RPS6KA6: variants seen among roughly 807,000 people sequenced by gnomAD.
The protein encoded by RPS6KA6 is ribosomal protein S6 kinase A6.
In RPS6KA6, 27 loss-of-function variants were observed where a neutral mutation model predicts 65.4. That is an observed-to-expected ratio of 0.41 (90% CI 0.30 to 0.57). RPS6KA6 has a LOEUF of 0.57. RPS6KA6 is among the 20% of genes least tolerant of loss of function. The probability of loss-of-function intolerance (pLI) is 0.24; values close to 1 mark genes in which losing one functional copy is unlikely to be tolerated. For missense variants in RPS6KA6, 486 were observed against 555.6 expected, an observed-to-expected ratio of 0.87 and a Z score of 1.26; for synonymous variants, 190 against 184.2, an observed-to-expected ratio of 1.03 and a Z score of -0.26.
At chrX:84,069,015 T>A (rs986811458) in intron 20 of RPS6KA6, among the ~76,000 whole-genome samples, 1 of 111,847 alleles carries the variant, frequency 8.9e-6, no homozygotes, top group Non-Finnish European at 1.9e-5. Flanking sequence ...TTCAATGTTA[T>A]CCCCATCAAG....
intron 20 of RPS6KA6, among the ~76,000 whole-genome samples, chrX:84,084,029 G>C (rs915504066): frequency 8.9e-6 from 1 of 111,769 alleles, no homozygotes; most frequent in East Asian, 2.8e-4. Context: ...CTTTTGAGAA[G>C]TGTCTGTTCT....
Position 84,082,157 on chromosome X carries a change from T to C in RPS6KA6, c.1971+14037A>G, listed in dbSNP as rs750274678. On this transcript the variant is annotated intron_variant, in intron 20 of 21. Coordinates refer to ENST00000262752, the MANE Select transcript of RPS6KA6 (RefSeq NM_014496.5). The stretch of plus-strand genomic sequence containing the variant: ...AATAGGAGGAGAGGAAGTCAAATTG[T>C]TTCTGTTTGCAGATGACATTATTGT... Among the ~76,000 whole-genome samples, 160 of 111,803 alleles carry C rather than the reference T, an allele frequency of 1.4e-3. 1 individual carries two copies. Among genetic ancestry groups the C allele is most frequent in the Non-Finnish European group, 2.7e-3 (146 of 53,161 alleles).
chrX:84,082,774 G>A (rs1276425643), intron 20 of RPS6KA6, among the ~76,000 whole-genome samples: 1 of 110,490 alleles, frequency 9.1e-6, no homozygotes, highest in African/African-American at 3.3e-5. Context: ...ACAGAACAGG[G>A]GCCTCAGACA....
chrX:84,097,976 TGTA>T, intron 18 of RPS6KA6, 128 bp from the exon 19 acceptor site: 1 of 475,791 alleles, frequency 2.1e-6, no homozygotes. Context: ...TTTATGCACT[TGTA>T]GTAAAGACAT....
At chrX:84,077,621 A>G (rs1037132632) in intron 20 of RPS6KA6, among the ~76,000 whole-genome samples, 4 of 112,025 alleles carry the variant, frequency 3.6e-5, no homozygotes, top group African/African-American at 6.5e-5. Context: ...AAGAACATTG[A>G]CCTAAAGATA....
intron 20 of RPS6KA6, among the ~76,000 whole-genome samples, chrX:84,073,754 C>T (rs1422039914): frequency 2.8e-5 from 3 of 108,921 alleles, no homozygotes; most frequent in African/African-American, 1.0e-4. Context: ...AGAATAAATA[C>T]AAATATCCAA....
intron 2 of RPS6KA6, among the ~76,000 whole-genome samples, chrX:84,157,489 T>A (rs1261524549): frequency 2.7e-5 from 3 of 111,354 alleles, no homozygotes; most frequent in Non-Finnish European, 5.7e-5. Context: ...ACAACCTTTT[T>A]TAATGCAAAT....
intron 3 of RPS6KA6, among the ~76,000 whole-genome samples, chrX:84,152,792 T>C (rs1256425369): frequency 1.8e-5 from 2 of 111,460 alleles, no homozygotes; most frequent in African/African-American, 6.5e-5. Flanking sequence ...TCAAAGTTAA[T>C]ATGTTAAAGT....
At chrX:84,154,154 C>T (rs2147577534) in intron 3 of RPS6KA6, among the ~76,000 whole-genome samples, 1 of 111,130 alleles carries the variant, frequency 9.0e-6, no homozygotes, top group African/African-American at 3.3e-5. Flanking sequence ...TTTATAATGG[C>T]TGCTAGAAAA....
Position 84,188,081 on chromosome X carries a change from G to A in RPS6KA6, c.-182C>T, listed in dbSNP as rs1300746634. On this transcript the variant is annotated 5_prime_UTR_variant, in exon 1 of 22. An upstream open reading frame in the 5' UTR gains an earlier in-frame stop. Transcript: ENST00000262752. ...TCTCAGAGGCTGGGAGCTGGGGGTC[G>A]CCGCCGCCGCCGCCCGGTGATTCCC... Among the ~76,000 whole-genome samples, 1 of 106,207 alleles carries A rather than the reference G, an allele frequency of 9.4e-6. No homozygotes were observed. Among genetic ancestry groups the A allele is most frequent in the East Asian group, 3.1e-4 (1 of 3,227 alleles). The allele number at this position is 106,207 out of a possible 115,157, so 92.2% of individuals were successfully genotyped here.
At chrX:84,100,231 G>A (rs1387474325) in intron 18 of RPS6KA6, among the ~76,000 whole-genome samples, 1 of 110,594 alleles carries the variant, frequency 9.0e-6, no homozygotes, top group African/African-American at 3.3e-5. Context: ...GTGGTCTCCA[G>A]ATGCCCACCT....
In RPS6KA6 at chrX:84,105,787, A is replaced by G. The variant is rs377281917; in HGVS notation, c.1455T>C (p.Asp485=). ...GATACCTAGATTTAGAAATACCTAC[A>G]TCCTTCAAAGTAATAATGTTGGGAT... The part of the protein sequence containing the change: ...GQHPNIITLK[D]VFDDGRYVYL... The change falls in exon 16 of 22, where the codon GAT becomes GAC. Residue 485 remains aspartate, a splice_region_variant and synonymous_variant. Transcript: ENST00000262752. 2.9e-5 allele frequency: 32 copies of G among 1,087,292 alleles called. No homozygotes were observed. The African/African-American group carries it at 5.7e-4, about 19-fold the overall frequency. 89.6% of individuals were successfully genotyped at this position (1,087,292 alleles called of 1,213,427 possible).
intron 12 of RPS6KA6, 59 bp from the exon 13 acceptor site, chrX:84,107,784 TG>T: frequency 1.7e-6 from 1 of 600,227 alleles, no homozygotes. Context: ...TATTATACTT[TG>T]TAAAACAAAG....
intron 6 of RPS6KA6, among the ~76,000 whole-genome samples, chrX:84,140,263 G>A (rs2035071182): frequency 9.0e-6 from 1 of 111,330 alleles, no homozygotes; most frequent in Non-Finnish European, 1.9e-5. Flanking sequence ...TGCTTCAGTA[G>A]TGGAGCAAAA....
In RPS6KA6 at chrX:84,145,012, C is replaced by T. The variant is rs753839019; in HGVS notation, c.501+466G>A. 2.7e-5 allele frequency among the ~76,000 whole-genome samples: 3 copies of T among 110,781 alleles called. No individual in the cohort carries two copies. The East Asian group carries it at 8.5e-4, about 31-fold the overall frequency. On this transcript the variant is annotated intron_variant, in intron 6 of 21. Transcript: ENST00000262752. Reference sequence around the variant, plus strand: ...ATTCAGTAGGGTTAGGGCAGGAGGACGGCATCACAAAGGGACACAAGAAAA... The same window carrying T: ...ATTCAGTAGGGTTAGGGCAGGAGGATGGCATCACAAAGGGACACAAGAAAA...
At chrX:84,186,587 C>A (rs909316338) in intron 1 of RPS6KA6, among the ~76,000 whole-genome samples, 1 of 111,548 alleles carries the variant, frequency 9.0e-6, no homozygotes, top group Non-Finnish European at 1.9e-5. Context: ...ATATTCCTTA[C>A]CACATGTTAT....
intron 20 of RPS6KA6, among the ~76,000 whole-genome samples, chrX:84,085,199 C>T (rs1346915718): frequency 9.0e-6 from 1 of 111,268 alleles, no homozygotes; most frequent in Non-Finnish European, 1.9e-5. Context: ...TGTTCTCTTG[C>T]CTGATTGCCC....
chrX:84,096,351 C>T (rs200467762), intron 19 of RPS6KA6, 40 bp from the exon 20 acceptor site: 91 of 610,896 alleles, frequency 1.5e-4, no homozygotes, highest in Non-Finnish European at 2.1e-4. Context: ...TAGAGGGTAA[C>T]ATACCCAAAC....
At chrX:84,072,742 T>C (rs763110559) in intron 20 of RPS6KA6, among the ~76,000 whole-genome samples, 23 of 111,641 alleles carry the variant, frequency 2.1e-4, no homozygotes, top group Non-Finnish European at 4.0e-4. Context: ...AGCATTTCTA[T>C]ATGACAAGAG....
Sources: gnomAD v4.1 joint callset for allele counts (sites outside exome capture counted in the v4.1 genomes callset) on GRCh38, gnomAD v4.1.1 for gene constraint, MANE v1.5 for transcripts, NCBI Gene and HGNC (gene_info 2026-07-23, HGNC 2026-07-21) for gene names.